The following DTD1 variants were observed in gnomAD, a reference collection of about 807,000 sequenced individuals.
DTD1 encodes D-aminoacyl-tRNA deacylase 1.
In DTD1, 13 loss-of-function variants were observed where a neutral mutation model predicts 25.6. The ratio of observed to expected loss-of-function variants is 0.51; its 90% CI spans 0.33 to 0.81. The LOEUF (loss-of-function observed/expected upper bound fraction) is 0.81, where lower values mean the gene tolerates loss of function less well. Among genes scored for constraint, DTD1 ranks in the 30% least tolerant of loss-of-function variants. The pLI, the probability that DTD1 is intolerant of heterozygous loss-of-function variation, is 0.02. For missense variants in DTD1, 193 were observed against 266.4 expected (o/e 0.72, Z 1.92); for synonymous variants, 110 against 103.6 (o/e 1.06, Z -0.37).
At position 18,749,840 on chromosome 20, in the gene DTD1, A is replaced by G. The variant is rs1172820736; in HGVS notation, c.*19+5569A>G. Among the ~76,000 whole-genome samples the G allele has an allele frequency of 2.0e-5, 3 of 152,178 alleles. No individual in the cohort carries two copies. The highest frequency in any genetic ancestry group is 4.4e-5 in the Non-Finnish European group (3 of 68,024). ...TCTGGTCAGGAACGCCCCTATTGCT[A>G]CTCAGCGCATGGAGGCTCATGAACA... On this transcript the variant is annotated intron_variant, in intron 5 of 5. Transcript: ENST00000377452. This position sits in a 1 kb window ranked among gnomAD's most constrained non-coding sequence, Gnocchi z 4.2.
chr20:18,690,675 G>A (rs2061042336), intron 4 of DTD1, among the ~76,000 whole-genome samples: 1 of 151,880 alleles, frequency 6.6e-6, no homozygotes, highest in Non-Finnish European at 1.5e-5. Context: ...TTATTTGTGG[G>A]TTCTGTATTC....
rs1213116328 is a variant in DTD1, at chr20:18,744,153, A to T, written c.531A>T (p.Gly177=). The part of the protein sequence containing the change: ...QQRKEKTRAK[G]PSESSKERNT... ...GGAAAGAAAAGACCAGAGCTAAGGGACCTTCTGAATCAAGCAAGGAAAGAA... is the reference window on the plus strand; with the variant it reads ...GGAAAGAAAAGACCAGAGCTAAGGGTCCTTCTGAATCAAGCAAGGAAAGAA... The change falls in exon 5 of 6, where the codon GGA becomes GGT. Residue 177 remains glycine, a synonymous_variant. Transcript: ENST00000377452. 4.3e-6 allele frequency: 7 copies of T among 1,612,372 alleles called. No individual in the cohort carries two copies. Among genetic ancestry groups the T allele is most frequent in the Non-Finnish European group, 5.9e-6 (7 of 1,180,008 alleles).
At chr20:18,643,254 A>G (rs574603988) in intron 4 of DTD1, 3 of 328,378 alleles carry the variant, frequency 9.1e-6, no homozygotes, top group Non-Finnish European at 1.3e-5. Context: ...CTCTGGAATC[A>G]ATCCCAGGGT....
At chr20:18,631,994 TATC>T (rs1307804055) in intron 4 of DTD1, 1 of 842,136 alleles carries the variant, frequency 1.2e-6, no homozygotes, top group Admixed American at 6.2e-5. Flanking sequence ...AGGAGTGCAG[TATC>T]ATATTGTGCA....
intron 4 of DTD1, among the ~76,000 whole-genome samples, chr20:18,729,249 C>T (rs556213409): frequency 2.0e-5 from 3 of 152,334 alleles, no homozygotes; most frequent in East Asian, 1.9e-4. Flanking sequence ...GTGATCCTTC[C>T]GCCTCATGGC....
At chr20:18,646,889 G>A (rs2060852489) in intron 4 of DTD1, among the ~76,000 whole-genome samples, 1 of 152,194 alleles carries the variant, frequency 6.6e-6, no homozygotes, top group Admixed American at 6.5e-5. Flanking sequence ...GTCGAGAGAG[G>A]AGGGCATGCA....
At position 18,628,153 on chromosome 20, in the gene DTD1, G is replaced by T. The variant is rs370279612; in HGVS notation, c.397G>T (p.Val133Leu). 1.7e-5 allele frequency: 28 copies of T among 1,613,726 alleles called. No homozygotes were observed. The highest frequency in any genetic ancestry group is 2.2e-5 in the Non-Finnish European group (26 of 1,179,818). ...KDGKFGAYMQ[V>L]HIQNDGPVTI... ...TGGCAAGTTTGGGGCCTACATGCAGGTGCACATTCAGAATGATGGGCCTGT... is the reference window on the plus strand; with the variant it reads ...TGGCAAGTTTGGGGCCTACATGCAGTTGCACATTCAGAATGATGGGCCTGT... Residue 133 changes from valine to leucine, a missense_variant, in exon 4 of 6, where the codon GTG becomes TTG. Transcript: ENST00000377452.
intron 4 of DTD1, among the ~76,000 whole-genome samples, chr20:18,684,234 C>T (rs2061008052): frequency 6.6e-6 from 1 of 152,128 alleles, no homozygotes; most frequent in South Asian, 2.1e-4. Context: ...GATGGGCTCC[C>T]AGGAGTTTCT....
chr20:18,709,505 A>T (rs1386811534), intron 4 of DTD1, among the ~76,000 whole-genome samples: 1 of 152,168 alleles, frequency 6.6e-6, no homozygotes, highest in East Asian at 1.9e-4. Context: ...CTAAAGGTGC[A>T]GGTCATGGCT....
At chr20:18,626,182 A>G (rs1210777134) in intron 3 of DTD1, among the ~76,000 whole-genome samples, 1 of 152,128 alleles carries the variant, frequency 6.6e-6, no homozygotes, top group Non-Finnish European at 1.5e-5. Context: ...GTACTAACCT[A>G]TGTGCACCTT....
chr20:18,640,198 G>A (rs1336370047), intron 4 of DTD1, among the ~76,000 whole-genome samples: 2 of 151,620 alleles, frequency 1.3e-5, no homozygotes, highest in Non-Finnish European at 2.9e-5. Context: ...ATTTAGAAAT[G>A]TTATTTTTTA....
intron 1 of DTD1, among the ~76,000 whole-genome samples, chr20:18,593,246 A>G (rs1236193546): frequency 6.6e-6 from 1 of 152,252 alleles, no homozygotes; most frequent in Non-Finnish European, 1.5e-5. Context: ...TTGTCCTCAT[A>G]GTAAGTAGGA....
intron 4 of DTD1, among the ~76,000 whole-genome samples, chr20:18,649,062 T>C (rs1475039987): frequency 2.7e-5 from 4 of 150,748 alleles, no homozygotes; most frequent in Non-Finnish European, 5.9e-5. Flanking sequence ...TTACACAGTT[T>C]GTATTTTGTA....
In DTD1 at chr20:18,664,093, G is replaced by C. The variant is rs1000185722; in HGVS notation, c.477+35860G>C. Among the ~76,000 whole-genome samples the C allele has an allele frequency of 3.3e-5, 5 of 152,332 alleles. No homozygotes were observed. The South Asian group carries it at 6.2e-4, about 19-fold the overall frequency. On this transcript the variant is annotated intron_variant, in intron 4 of 5. Coordinates refer to ENST00000377452, the MANE Select transcript of DTD1 (RefSeq NM_080820.6). ...AGTGGGCTTTATCATCTAGGTTTGT[G>C]TAAGTCACTTGGTGATGTTCACAAG...
chr20:18,588,660 A>G (rs568583514), intron 1 of DTD1: 2 of 891,802 alleles, frequency 2.2e-6, no homozygotes, highest in African/African-American at 3.6e-5. Flanking sequence ...ACTGGAGCCT[A>G]GGCTGGATGA....
intron 3 of DTD1, among the ~76,000 whole-genome samples, chr20:18,599,468 C>A (rs1157624158): frequency 1.3e-5 from 2 of 152,230 alleles, no homozygotes; most frequent in Non-Finnish European, 2.9e-5. Context: ...AGCCACCATG[C>A]CTGGCCAAAC....
rs867830821 is a variant in DTD1 at position 18,708,297 on chromosome 20, A to T, written c.478-35803A>T. On this transcript the variant is annotated intron_variant, in intron 4 of 5. Transcript: ENST00000377452. ...TATATAATATATATTATATATATAT[A>T]ATATATATATTTTATATATATATTA... is the stretch of plus-strand genomic sequence containing the variant. Among the ~76,000 whole-genome samples, 344 of 38,582 alleles carry T rather than the reference A, an allele frequency of 8.9e-3. 15 individuals carry two copies. The highest frequency in any genetic ancestry group is 0.016 in the African/African-American group (160 of 9,760). The allele number at this position is 38,582 out of a possible 152,430, so 25.3% of individuals were successfully genotyped here.
At chr20:18,694,539 C>G (rs2061062230) in intron 4 of DTD1, among the ~76,000 whole-genome samples, 1 of 152,140 alleles carries the variant, frequency 6.6e-6, no homozygotes, top group African/African-American at 2.4e-5. Context: ...ATTACGGTAA[C>G]CTTTCATACT....
chr20:18,616,622 TAAAAAGAAAAGAA>T (rs2060709895), intron 3 of DTD1, among the ~76,000 whole-genome samples: 1 of 150,720 alleles, frequency 6.6e-6, no homozygotes, highest in Admixed American at 6.6e-5. Flanking sequence ...ACCCCATCTC[TAAAAAGAAAAGAA>T]AAAAAGAAAA....
Sources: allele counts gnomAD v4.1 joint callset (sites outside exome capture counted in the v4.1 genomes callset), GRCh38; gene constraint gnomAD v4.1.1; non-coding constraint Gnocchi (gnomAD v3.1); transcripts MANE v1.5; gene names NCBI Gene and HGNC (gene_info 2026-07-23, HGNC 2026-07-21).